The following FLRT2 variants were observed in gnomAD, a reference collection of about 807,000 sequenced individuals.
FLRT2 encodes fibronectin leucine rich transmembrane protein 2.
Under a neutral mutation model 40.0 loss-of-function variants are expected in FLRT2, and 15 were observed. That is an observed-to-expected ratio of 0.38 (90% CI 0.25 to 0.58). The LOEUF is 0.58. FLRT2 is among the 20% of genes least tolerant of loss of function. FLRT2 has a pLI of 0.71. For missense variants in FLRT2, 726 were observed against 840.0 expected, an observed-to-expected ratio of 0.86 and a Z score of 1.68; for synonymous variants, 380 against 336.8, an observed-to-expected ratio of 1.13 and a Z score of -1.41.
intron 1 of FLRT2, among the ~76,000 whole-genome samples, chr14:85,582,491 A>C (rs1292016983): frequency 6.6e-6 from 1 of 152,136 alleles, no homozygotes; most frequent in Admixed American, 6.5e-5. Context: ...TCAGAGTTTA[A>C]ATCCTAGCAT....
rs114770747 is a variant in FLRT2 at position 85,531,163 on chromosome 14, C to T, written c.-377+629C>T. The stretch of plus-strand genomic sequence containing the variant: ...ACTGAGCTGGGGCCATCACGCCTTT[C>T]TAGAGCGCCTGCGGAGGTGGCGAAG... On this transcript the variant is annotated intron_variant, in intron 1 of 1. Coordinates refer to ENST00000330753, the MANE Select transcript of FLRT2 (RefSeq NM_013231.6). 412 of 152,466 alleles carry T rather than the reference C, an allele frequency of 2.7e-3. 5 individuals are homozygous for T. Among genetic ancestry groups the T allele is most frequent in the African/African-American group, 9.5e-3 (395 of 41,574 alleles). 9.4% of individuals were successfully genotyped at this position (152,466 alleles called of 1,614,324 possible). A position where few individuals can be genotyped will look rare whatever the true frequency, so the allele number is the denominator to read the frequency against.
At chr14:85,602,466 T>C (rs1274355154) in intron 1 of FLRT2, among the ~76,000 whole-genome samples, 3 of 152,188 alleles carry the variant, frequency 2.0e-5, no homozygotes, top group Non-Finnish European at 4.4e-5. Flanking sequence ...AAAGAACAAA[T>C]TGGAGAAATC....
intron 1 of FLRT2, among the ~76,000 whole-genome samples, chr14:85,566,147 T>C (rs980495101): frequency 1.1e-4 from 16 of 152,040 alleles, no homozygotes; most frequent in African/African-American, 3.6e-4. Flanking sequence ...AGCAGTAGTT[T>C]TTTCCATGAA....
At position 85,643,307 on chromosome 14, in the gene FLRT2, C is replaced by CT. The variant is rs1894200618; in HGVS notation, c.*19813dup. The CT allele has an allele frequency of 1.1e-5, 1 of 95,236 alleles. No homozygotes were observed. Among genetic ancestry groups the CT allele is most frequent in the Admixed American group, 1.1e-4 (1 of 9,374 alleles). 5.9% of individuals were successfully genotyped at this position (95,236 alleles called of 1,614,324 possible). ...ATTTCTTTTTTTTCTTTCTTTCTTT[C>CT]TTTCTTTCTTTCTTTCTTTCTTTCT... On this transcript the variant is annotated 3_prime_UTR_variant, in exon 2 of 2. Coordinates refer to ENST00000330753, the MANE Select transcript of FLRT2 (RefSeq NM_013231.6).
intron 1 of FLRT2, among the ~76,000 whole-genome samples, chr14:85,618,728 C>G (rs1893248602): frequency 1.3e-5 from 2 of 152,160 alleles, no homozygotes; most frequent in Non-Finnish European, 2.9e-5. Context: ...TAAATTAAAA[C>G]ATGAATGATT....
rs1056299644 is a variant in FLRT2 at position 85,626,479 on chromosome 14, T to A, written c.*2982T>A. 6.0e-6 allele frequency: 1 copy of A among 167,080 alleles called. No homozygotes were observed. The highest frequency in any genetic ancestry group is 1.9e-4 in the East Asian group (1 of 5,200). The allele number at this position is 167,080 out of a possible 1,614,324, so 10.3% of individuals were successfully genotyped here. A position where few individuals can be genotyped will look rare whatever the true frequency, so the allele number is the denominator to read the frequency against. On this transcript the variant is annotated 3_prime_UTR_variant, in exon 2 of 2. Transcript: ENST00000330753. ...CTGATCCCATTCAGAGCTTGGTAAA[T>A]GTCACTGTACAGAAGACATTGAAAA...
chr14:85,559,859 T>G (rs1215816093), intron 1 of FLRT2, among the ~76,000 whole-genome samples: 1 of 152,134 alleles, frequency 6.6e-6, no homozygotes, highest in African/African-American at 2.4e-5. Flanking sequence ...CTGATGGCAT[T>G]AGCAGCGTTT....
At chr14:85,541,754 C>G in intron 1 of FLRT2, among the ~76,000 whole-genome samples, 1 of 152,088 alleles carries the variant, frequency 6.6e-6, no homozygotes, top group East Asian at 1.9e-4. Flanking sequence ...CTAACTTGGA[C>G]TTTATTTGTT....
At chr14:85,588,548 A>G (rs918005264) in intron 1 of FLRT2, among the ~76,000 whole-genome samples, 2 of 151,992 alleles carry the variant, frequency 1.3e-5, no homozygotes, top group African/African-American at 4.8e-5. Flanking sequence ...ACAGGCATGC[A>G]ATGTGAAATA....
At chr14:85,559,561 T>C (rs1175497839) in intron 1 of FLRT2, 1 of 152,204 alleles carries the variant, frequency 6.6e-6, no homozygotes. Context: ...GTAGTAAAGA[T>C]TGTATGTATG....
At chr14:85,597,995 G>C (rs1051516873) in intron 1 of FLRT2, among the ~76,000 whole-genome samples, 2 of 152,168 alleles carry the variant, frequency 1.3e-5, no homozygotes, top group Non-Finnish European at 2.9e-5. Flanking sequence ...CATCTGAGCT[G>C]ATCTCAGTTT....
chr14:85,546,504 G>C (rs1955413), intron 1 of FLRT2, among the ~76,000 whole-genome samples: 104,293 of 151,996 alleles, frequency 0.69, 37,587 homozygotes, highest in Non-Finnish European at 0.81. Flanking sequence ...GGCTCCACAG[G>C]CAGCCAGCTC....
chr14:85,606,973 G>GA (rs1282969983), intron 1 of FLRT2, among the ~76,000 whole-genome samples: 3 of 149,176 alleles, frequency 2.0e-5, no homozygotes, highest in African/African-American at 7.5e-5. Flanking sequence ...CTTCCCTCAT[G>GA]ACATTTTAAT....
chr14:85,598,818 C>G (rs757617280), intron 1 of FLRT2, among the ~76,000 whole-genome samples: 3 of 152,016 alleles, frequency 2.0e-5, no homozygotes, highest in Non-Finnish European at 2.9e-5. Context: ...CCTATTCAGA[C>G]AGCCTCTCTT....
At chr14:85,562,823 C>T (rs1413627510) in intron 1 of FLRT2, 1 of 151,840 alleles carries the variant, frequency 6.6e-6, no homozygotes, top group African/African-American at 2.4e-5. Context: ...TCAGAATGAC[C>T]TGGGGGAAAT....
rs1894485654 is a variant in FLRT2, at chr14:85,653,703, C to T, written c.*30206C>T. 6.6e-6 allele frequency: 1 copy of T among 152,120 alleles called. No homozygotes were observed. Among genetic ancestry groups the T allele is most frequent in the Admixed American group, 6.6e-5 (1 of 15,262 alleles). 9.4% of individuals were successfully genotyped at this position (152,120 alleles called of 1,614,324 possible). On this transcript the variant is annotated 3_prime_UTR_variant, in exon 2 of 2. Coordinates refer to ENST00000330753, the MANE Select transcript of FLRT2 (RefSeq NM_013231.6). Reference sequence around the variant, plus strand: ...TTAAGAGCACTCAGCCACAGAGTCACTTTGGTTGTGTCACTTAACCTCTGT... The same window carrying T: ...TTAAGAGCACTCAGCCACAGAGTCATTTTGGTTGTGTCACTTAACCTCTGT...
At chr14:85,589,845 GGT>G (rs1245920550) in intron 1 of FLRT2, among the ~76,000 whole-genome samples, 1 of 152,010 alleles carries the variant, frequency 6.6e-6, no homozygotes. Context: ...AAGTTTTCCT[GGT>G]ACCATTTATT....
At chr14:85,579,765 A>G (rs1318760638) in intron 1 of FLRT2, among the ~76,000 whole-genome samples, 1 of 152,088 alleles carries the variant, frequency 6.6e-6, no homozygotes, top group African/African-American at 2.4e-5. Flanking sequence ...TGAGATGGCA[A>G]GTTTCTACTG....
At position 85,621,899 on chromosome 14, in the gene FLRT2, C is replaced by G. The variant is rs755442700; in HGVS notation, c.385C>G (p.Leu129Val). 34 of 1,605,420 alleles carry G rather than the reference C, an allele frequency of 2.1e-5. No homozygotes were observed. Among genetic ancestry groups the G allele is most frequent in the Middle Eastern group, 3.3e-4 (2 of 6,010 alleles). ...TATTCAGACCATTTCACGGGCTGCTCTTGCCCAGCTCTTGAAGCTTGAAGA... is the reference window on the plus strand; with the variant it reads ...TATTCAGACCATTTCACGGGCTGCTGTTGCCCAGCTCTTGAAGCTTGAAGA... Reference protein sequence around the residue: ...NNIQTISRAALAQLLKLEELH... With the variant: ...NNIQTISRAAVAQLLKLEELH... The change falls in exon 2 of 2, where the codon CTT (leucine) becomes GTT (valine). Residue 129 changes from leucine (L) to valine (V), a missense_variant. Leu to Val is a conservative substitution (Grantham distance 32, BLOSUM62 1). Coordinates refer to ENST00000330753, the MANE Select transcript of FLRT2 (RefSeq NM_013231.6).
Sources: allele counts gnomAD v4.1 joint callset (sites outside exome capture counted in the v4.1 genomes callset), GRCh38; gene constraint gnomAD v4.1.1; transcripts MANE v1.5; gene names NCBI Gene and HGNC (gene_info 2026-07-23, HGNC 2026-07-21).